KIF4A: variants seen among roughly 807,000 people sequenced by gnomAD.
KIF4A encodes kinesin family member 4A.
In KIF4A, 7 loss-of-function variants were observed where a neutral mutation model predicts 105.9. The ratio of observed to expected loss-of-function variants is 0.07; its 90% confidence interval spans 0.04 to 0.12. The LOEUF is 0.12. Among genes scored for constraint, KIF4A ranks in the 10% least tolerant of loss-of-function variants. The pLI, the probability that KIF4A is intolerant of heterozygous loss-of-function variation, is 1.00. For missense variants in KIF4A, 558 were observed against 929.2 expected (o/e 0.60, Z 5.19); for synonymous variants, 281 against 331.3 (o/e 0.85, Z 1.65).
At chrX:70,418,378 C>T (rs1469692121) in intron 29 of KIF4A, among the ~76,000 whole-genome samples, 1 of 111,619 alleles carries the variant, frequency 9.0e-6, no homozygotes, top group Non-Finnish European at 1.9e-5. Context: ...ACTGTAAGAG[C>T]CACGTACTGA....
In KIF4A at chrX:70,299,569, C is replaced by T. The variant is rs1038608949; in HGVS notation, c.516+367C>T. On this transcript the variant is annotated intron_variant, in intron 5 of 30. Coordinates refer to ENST00000374403, the MANE Select transcript of KIF4A (RefSeq NM_012310.5). ...TTTTAAAAATTCATTTCCTCAGGCA[C>T]ACTAGCCACGTATGAAGTGCTCGAT... Among the ~76,000 whole-genome samples, 4 of 111,665 alleles carry T rather than the reference C, an allele frequency of 3.6e-5. No individual in the cohort carries two copies. The Admixed American group carries it at 3.8e-4, about 11-fold the overall frequency.
chrX:70,335,662 G>T (rs1009609415), intron 10 of KIF4A, among the ~76,000 whole-genome samples: 16 of 111,597 alleles, frequency 1.4e-4, no homozygotes, highest in African/African-American at 3.6e-4. Context: ...TCCATCACCT[G>T]AATAATGTAC....
chrX:70,401,148 C>T (rs55728976), intron 22 of KIF4A, among the ~76,000 whole-genome samples: 5,653 of 99,755 alleles, frequency 0.057, 180 homozygotes, highest in Middle Eastern at 0.099. Flanking sequence ...GGCACAATCT[C>T]AGCTCGCTGC....
chrX:70,418,200 C>T (rs938255415), intron 29 of KIF4A, among the ~76,000 whole-genome samples, 196 bp downstream of exon 29: 1 of 111,893 alleles, frequency 8.9e-6, no homozygotes, highest in Non-Finnish European at 1.9e-5. Context: ...TCACATACCC[C>T]TTTCAGAAAC....
intron 15 of KIF4A, among the ~76,000 whole-genome samples, chrX:70,373,309 C>T (rs1410616653): frequency 3.2e-5 from 2 of 62,216 alleles, no homozygotes; most frequent in African/African-American, 1.2e-4. Context: ...AGGGGGAGAA[C>T]GGGGAGGGAG....
At chrX:70,329,726 T>C (rs928655113) in intron 8 of KIF4A, among the ~76,000 whole-genome samples, 2 of 112,028 alleles carry the variant, frequency 1.8e-5, no homozygotes, top group African/African-American at 6.5e-5. Context: ...AGCCAAGAAA[T>C]CTGTAGTGCA....
Position 70,353,605 on chromosome X carries a change from T to C in KIF4A, c.1489-17T>C. ...TGCTTGTTTCTCTTATAAATCATTATCCTGATTTTTTTCCAGCAAGTAGAA... is the reference window on the plus strand; with the variant it reads ...TGCTTGTTTCTCTTATAAATCATTACCCTGATTTTTTTCCAGCAAGTAGAA... On this transcript the variant is annotated splice_polypyrimidine_tract_variant and intron_variant, in intron 14 of 30. Coordinates refer to ENST00000374403, the MANE Select transcript of KIF4A (RefSeq NM_012310.5). 8.4e-7 allele frequency: 1 copy of C among 1,196,361 alleles called. No individual in the cohort carries two copies. Among genetic ancestry groups the C allele is most frequent in the Non-Finnish European group, 1.1e-6 (1 of 887,194 alleles).
chrX:70,352,008 C>G (rs1307528646), intron 13 of KIF4A, among the ~76,000 whole-genome samples: 1 of 111,925 alleles, frequency 8.9e-6, no homozygotes, highest in Non-Finnish European at 1.9e-5. Flanking sequence ...ACCTGCCTGC[C>G]TTGGCCTCCC....
At chrX:70,319,435 A>G (rs1432187642) in intron 7 of KIF4A, among the ~76,000 whole-genome samples, 1 of 110,921 alleles carries the variant, frequency 9.0e-6, no homozygotes, top group African/African-American at 3.3e-5. Flanking sequence ...TTGTTTTTCC[A>G]TATAAATACC....
intron 7 of KIF4A, among the ~76,000 whole-genome samples, chrX:70,312,140 CTTT>C (rs527848699): frequency 1.3e-5 from 1 of 78,081 alleles, no homozygotes; most frequent in African/African-American, 4.9e-5. Context: ...TTTTAAATGT[CTTT>C]TTTTTTTTTT....
chrX:70,300,295 A>T (rs985174148), intron 5 of KIF4A, among the ~76,000 whole-genome samples: 1 of 111,367 alleles, frequency 9.0e-6, no homozygotes, highest in Non-Finnish European at 1.9e-5. Flanking sequence ...GACAAAATAC[A>T]TGCTATTGTA....
At chrX:70,408,611 A>G (rs778024107) in intron 28 of KIF4A, among the ~76,000 whole-genome samples, 1 of 111,945 alleles carries the variant, frequency 8.9e-6, no homozygotes, top group African/African-American at 3.2e-5. Flanking sequence ...CACCTGGGGA[A>G]CTAAGCCTTA....
intron 20 of KIF4A, among the ~76,000 whole-genome samples, chrX:70,391,016 A>G (rs1466143772): frequency 8.9e-6 from 1 of 112,155 alleles, no homozygotes; most frequent in South Asian, 3.7e-4. Context: ...CTGTTGAAGG[A>G]TATCTTAGGT....
intron 15 of KIF4A, among the ~76,000 whole-genome samples, chrX:70,357,544 A>G (rs1309063482): frequency 8.9e-6 from 1 of 111,810 alleles, no homozygotes. Context: ...CCTCCTCTTT[A>G]GTATACCCCT....
intron 18 of KIF4A, among the ~76,000 whole-genome samples, chrX:70,379,862 C>G (rs147873847): frequency 7.0e-4 from 76 of 109,127 alleles, no homozygotes; most frequent in Non-Finnish European, 2.3e-4. Context: ...GCAGTGGAAA[C>G]ACTTCCCAAC....
intron 13 of KIF4A, among the ~76,000 whole-genome samples, chrX:70,352,013 C>G (rs1335081895): frequency 1.8e-5 from 2 of 112,001 alleles, no homozygotes; most frequent in Non-Finnish European, 1.9e-5. Flanking sequence ...CCTGCCTTGG[C>G]CTCCCAAAGC....
chrX:70,322,095 CA>C (rs1336301979), intron 7 of KIF4A, among the ~76,000 whole-genome samples: 2 of 109,922 alleles, frequency 1.8e-5, no homozygotes, highest in Non-Finnish European at 3.8e-5. Flanking sequence ...CCTCCCCCCC[CA>C]AAGTGGTTTC....
intron 7 of KIF4A, among the ~76,000 whole-genome samples, chrX:70,315,786 A>G (rs1957766331): frequency 8.9e-6 from 1 of 111,913 alleles, no homozygotes; most frequent in African/African-American, 3.2e-5. Context: ...AGAGGACCCA[A>G]CCCATCTCAT....
At position 70,387,286 on chromosome X, in the gene KIF4A, G is replaced by T; in HGVS notation, c.2221G>T (p.Ala741Ser). The change falls in exon 20 of 31, where the codon GCT becomes TCT. Residue 741 changes from alanine to serine, a missense_variant. Around this residue, in one of 2 missense-constraint regions of KIF4A, gnomAD observed 469 missense variants for 680.4 expected, o/e 0.69. Transcript: ENST00000374403. Reference sequence around the variant, plus strand: ...GAGCCGTGGAATGGAAGGCACTGCAGCTCGAGTGAAGGTATGAACAACTTG... The same window carrying T: ...GAGCCGTGGAATGGAAGGCACTGCATCTCGAGTGAAGGTATGAACAACTTG... The part of the protein sequence containing the change: ...TQSRGMEGTA[A>S]RVKNWLGNEI... The T allele has an allele frequency of 8.5e-7, 1 of 1,175,001 alleles. No individual in the cohort carries two copies.
Sources: allele counts gnomAD v4.1 joint callset (sites outside exome capture counted in the v4.1 genomes callset), GRCh38; gene constraint gnomAD v4.1.1; regional missense constraint gnomAD v4.1.1; transcripts MANE v1.5; gene names NCBI Gene and HGNC (gene_info 2026-07-23, HGNC 2026-07-21).